TRPM3: variants seen among roughly 807,000 people sequenced by gnomAD.
TRPM3 encodes the protein long transient receptor potential channel 3.
TRPM3 carries 77 observed loss-of-function variants against 181.2 expected under a neutral mutation model. That is an observed-to-expected ratio of 0.42 (90% confidence interval 0.35 to 0.51). TRPM3 has a LOEUF of 0.51. TRPM3 is among the 20% of genes least tolerant of loss of function. TRPM3 has a pLI of 0.01. For missense variants in TRPM3, 1,759 were observed against 2,196.7 expected, an observed-to-expected ratio of 0.80 and a Z score of 3.98; for synonymous variants, 745 against 796.4, an observed-to-expected ratio of 0.94 and a Z score of 1.09.
At chr9:70,891,060 T>C (rs1018005298) in intron 1 of TRPM3, among the ~76,000 whole-genome samples, 3 of 152,072 alleles carry the variant, frequency 2.0e-5, no homozygotes, top group African/African-American at 7.2e-5. Context: ...TCAGGAGATA[T>C]ACCTAATGTC....
At chr9:70,696,890 C>T (rs760438069) in intron 8 of TRPM3, among the ~76,000 whole-genome samples, 3 of 152,280 alleles carry the variant, frequency 2.0e-5, no homozygotes, top group East Asian at 1.9e-4. Flanking sequence ...GTTCTTCTCT[C>T]CTTGCTCCTG....
chr9:70,580,233 C>A (rs2055272021), intron 22 of TRPM3, among the ~76,000 whole-genome samples: 1 of 152,162 alleles, frequency 6.6e-6, no homozygotes, highest in Non-Finnish European at 1.5e-5. Flanking sequence ...TCAGTGACAC[C>A]TATGCATCCC....
chr9:71,121,672 G>C (rs372747326), upstream of TRPM3: 16 of 1,105,112 alleles, frequency 1.4e-5, no homozygotes, highest in African/African-American at 1.8e-4. Context: ...CAGGCGTTGG[G>C]GGGGAACCGG....
chr9:70,981,018 C>A (rs147712401), intron 1 of TRPM3, among the ~76,000 whole-genome samples: 4 of 152,134 alleles, frequency 2.6e-5, no homozygotes, highest in African/African-American at 9.7e-5. Context: ...CATACAAGAA[C>A]GTGTTTTCTT....
In TRPM3 at chr9:71,141,892, TG is replaced by T. The variant is rs67162328; in HGVS notation, c.184-277382del. 7.8e-3 allele frequency among the ~76,000 whole-genome samples: 1,192 copies of T among 152,268 alleles called. 8 individuals carry two copies. Among genetic ancestry groups the T allele is most frequent in the Non-Finnish European group, 0.013 (883 of 68,006 alleles). On this transcript the variant is annotated intron_variant, in intron 1 of 24. Coordinates refer to the TRPM3 transcript ENST00000357533. Reference sequence around the variant, plus strand: ...TCCACAAGAGCATCTTTAATATTTTTGTTGCTGTACTTGTTTTGATTGCTTC... The same window carrying T: ...TCCACAAGAGCATCTTTAATATTTTTTTGCTGTACTTGTTTTGATTGCTTC...
In TRPM3 at chr9:70,976,031, TTCATGGGTAATC is replaced by T. The variant is rs552444594; in HGVS notation, c.178-111532_178-111521del. ...TATCTCCATTCCCAGCATGAGAGAA[TTCATGGGTAATC>T]TCATTTAATTACATCTAGCACGTAT... On this transcript the variant is annotated intron_variant, in intron 1 of 25. Transcript: ENST00000677713. Among the ~76,000 whole-genome samples, 40 of 152,284 alleles carry T rather than the reference TTCATGGGTAATC, an allele frequency of 2.6e-4. No homozygotes were observed. In the South Asian group the frequency reaches 8.3e-3, roughly 32 times the overall value.
rs1022449795 is a variant in TRPM3 at position 70,860,036 on chromosome 9, C to A, written c.462+2872G>T. Among the ~76,000 whole-genome samples, 3 of 152,208 alleles carry A rather than the reference C, an allele frequency of 2.0e-5. No homozygotes were observed. In the South Asian group the frequency reaches 6.2e-4, roughly 32 times the overall value. On this transcript the variant is annotated intron_variant, in intron 3 of 25. Transcript: ENST00000677713. ...AGCCTGGCACCCCTATGGAAATATT[C>A]TAACACATCTTTGGACTCCTGGGAA...
At chr9:71,008,013 A>G (rs1187769330) in intron 1 of TRPM3, among the ~76,000 whole-genome samples, 1 of 152,122 alleles carries the variant, frequency 6.6e-6, no homozygotes. Flanking sequence ...GATAAATAAT[A>G]TGGACAAAAA....
intron 1 of TRPM3, among the ~76,000 whole-genome samples, chr9:71,279,057 A>AAAAAC (rs2084475789): frequency 6.7e-6 from 1 of 148,436 alleles, no homozygotes; most frequent in Admixed American, 6.7e-5. Context: ...AAATAAAAAT[A>AAAAAC]AAAATAAAAA....
At chr9:70,841,719 C>CATAT (rs142313712) in intron 5 of TRPM3, among the ~76,000 whole-genome samples, 15 of 133,770 alleles carry the variant, frequency 1.1e-4, no homozygotes, top group East Asian at 4.3e-4. Flanking sequence ...TATCTCCCAC[C>CATAT]ATATATATAT....
At chr9:71,412,700 A>G (rs568149719) in intron 1 of TRPM3, among the ~76,000 whole-genome samples, 13 of 152,174 alleles carry the variant, frequency 8.5e-5, no homozygotes, top group Non-Finnish European at 1.5e-4. Context: ...TGATTCCTCA[A>G]GGATCTAGAA....
At chr9:70,653,677 C>CAAAAAAAAAAAAAAAAAAAAAAAA (rs71507003) in intron 9 of TRPM3, among the ~76,000 whole-genome samples, 1 of 103,148 alleles carries the variant, frequency 9.7e-6, no homozygotes, top group Non-Finnish European at 2.1e-5. Flanking sequence ...CTTCCTGTCT[C>CAAAAAAAAAAAAAAAAAAAAAAAA]AAAAAAAAAA....
rs116373926 is a variant in TRPM3, at chr9:70,856,049, A to T, written c.462+6859T>A. On this transcript the variant is annotated intron_variant, in intron 3 of 25. Coordinates refer to ENST00000677713, the MANE Select transcript of TRPM3 (RefSeq NM_001366145.2). ...CAGGGGATGGATGCTGACAAGCCAC[A>T]ACTCAAGGTTTAGAAATAATATAAA... 7.8e-3 allele frequency among the ~76,000 whole-genome samples: 1,193 copies of T among 152,306 alleles called. 19 individuals carry two copies. The highest frequency in any genetic ancestry group is 0.027 in the African/African-American group (1,138 of 41,552).
chr9:71,271,624 A>C (rs756249583), intron 1 of TRPM3, among the ~76,000 whole-genome samples: 1 of 151,724 alleles, frequency 6.6e-6, no homozygotes, highest in Non-Finnish European at 1.5e-5. Flanking sequence ...CAAAAGAAGA[A>C]GAAGAAAAAA....
chr9:71,115,938 A>C (rs2072263556), intron 1 of TRPM3, among the ~76,000 whole-genome samples: 1 of 151,952 alleles, frequency 6.6e-6, no homozygotes, highest in African/African-American at 2.4e-5. Flanking sequence ...TACACACCAG[A>C]CCATTTTCCC....
chr9:71,326,775 C>T (rs910698935), intron 1 of TRPM3, among the ~76,000 whole-genome samples: 6 of 152,178 alleles, frequency 3.9e-5, no homozygotes, highest in Non-Finnish European at 7.3e-5. Flanking sequence ...ATACCTCCTT[C>T]ATCCTCAGCA....
intron 6 of TRPM3, chr9:70,826,064 T>G (rs1173086833): frequency 6.6e-6 from 1 of 152,322 alleles, no homozygotes; most frequent in African/African-American, 2.4e-5. Flanking sequence ...TATTACCAAG[T>G]ACTGAACTTG....
chr9:71,225,250 A>G (rs1416115740), intron 1 of TRPM3, among the ~76,000 whole-genome samples: 2 of 152,184 alleles, frequency 1.3e-5, no homozygotes, highest in African/African-American at 4.8e-5. Context: ...ATAACATACA[A>G]TAGAGCTCCA....
At chr9:71,212,011 T>A (rs2079535582) in intron 1 of TRPM3, among the ~76,000 whole-genome samples, 1 of 152,178 alleles carries the variant, frequency 6.6e-6, no homozygotes, top group Non-Finnish European at 1.5e-5. Context: ...CCCCAAGATG[T>A]TGGGGTAGGG....
Sources: allele counts gnomAD v4.1 joint callset (sites outside exome capture counted in the v4.1 genomes callset), GRCh38; gene constraint gnomAD v4.1.1; transcripts MANE v1.5; gene names NCBI Gene and HGNC (gene_info 2026-07-23, HGNC 2026-07-21).